The following RPRD2 variants were observed in gnomAD, a reference collection of about 807,000 sequenced individuals.
RPRD2 encodes the protein regulation of nuclear pre-mRNA domain-containing protein 2.
RPRD2 carries 12 observed loss-of-function variants against 104.4 expected under a neutral mutation model. The ratio of observed to expected loss-of-function variants is 0.11; its 90% confidence interval spans 0.07 to 0.19. RPRD2 has a LOEUF of 0.19. Ranked by LOEUF, RPRD2 falls within the 10% of genes least tolerant of loss-of-function variation. The pLI is 1.00. For synonymous variants in RPRD2, 714 were observed against 684.9 expected (o/e 1.04, Z -0.66); for missense variants, 1,543 against 1,790.1 (o/e 0.86, Z 2.49).
intron 1 of RPRD2, among the ~76,000 whole-genome samples, chr1:150,369,623 A>ATTTTTTTTTTTTTTTTTTTTT (rs61016870): frequency 1.1e-3 from 73 of 68,856 alleles, no homozygotes; most frequent in Non-Finnish European, 1.5e-3. Context: ...CGCCCAGCTA[A>ATTTTTTTTTTTTTTTTTTTTT]TTTTTTTTTT....
Position 150,472,808 on chromosome 1 carries a change from T to C in RPRD2, c.3860T>C (p.Val1287Ala). The C allele has an allele frequency of 6.2e-7, 1 of 1,610,216 alleles. No homozygotes were observed. The highest frequency in any genetic ancestry group is 8.5e-7 in the Non-Finnish European group (1 of 1,177,318). The change falls in exon 11 of 11, where the codon GTC becomes GCC. Residue 1287 changes from valine to alanine, a missense_variant. Around this residue, in one of 4 missense-constraint regions of RPRD2, gnomAD observed 880 missense variants for 885.6 expected, o/e 0.99. Transcript: ENST00000369068. ...CATAGCAGCAGTGGTGGGAGTGGTGTCCCCTTTTCTACTCCACCCCCTCCT... is the reference window on the plus strand; with the variant it reads ...CATAGCAGCAGTGGTGGGAGTGGTGCCCCCTTTTCTACTCCACCCCCTCCT... ...GEHSSSGGSG[V>A]PFSTPPPPPP...
intron 4 of RPRD2, 92 bp from the exon 5 acceptor site, chr1:150,443,139 A>G (rs982303748): frequency 2.6e-6 from 2 of 779,390 alleles, no homozygotes; most frequent in African/African-American, 1.7e-5. Flanking sequence ...CCATATGTTC[A>G]GAGTATATCT....
intron 1 of RPRD2, among the ~76,000 whole-genome samples, chr1:150,377,809 T>C (rs1456686835): frequency 1.3e-5 from 2 of 152,146 alleles, no homozygotes; most frequent in Non-Finnish European, 2.9e-5. Flanking sequence ...CTGCAAAATA[T>C]GAATTTGTAA....
chr1:150,421,577 A>G (rs1664757970), intron 2 of RPRD2, among the ~76,000 whole-genome samples: 1 of 152,200 alleles, frequency 6.6e-6, no homozygotes, highest in Admixed American at 6.5e-5. Flanking sequence ...ATCTTAAAAC[A>G]ATAATGGAAG....
At chr1:150,383,102 T>G (rs1403837781) in intron 1 of RPRD2, among the ~76,000 whole-genome samples, 1 of 151,958 alleles carries the variant, frequency 6.6e-6, no homozygotes, top group African/African-American at 2.4e-5. Context: ...AGTTGATCTT[T>G]CCCATCTCAG....
chr1:150,460,368 TTGAATCATTAATC>T, intron 9 of RPRD2, 51 bp downstream of exon 9: 1 of 1,512,636 alleles, frequency 6.6e-7, no homozygotes, highest in Non-Finnish European at 9.0e-7. Flanking sequence ...TCTTTTTAAA[TTGAATCATTAATC>T]TGTTTTTGGG....
At chr1:150,459,259 C>G (rs909126673) in intron 8 of RPRD2, among the ~76,000 whole-genome samples, 2 of 152,084 alleles carry the variant, frequency 1.3e-5, no homozygotes, top group African/African-American at 4.8e-5. Context: ...AATAATTATT[C>G]AAGGTGATTG....
At chr1:150,467,499 G>A (rs1242899256) in intron 10 of RPRD2, among the ~76,000 whole-genome samples, 3 of 151,920 alleles carry the variant, frequency 2.0e-5, no homozygotes, top group Admixed American at 6.6e-5. Flanking sequence ...TCAGCCTCTC[G>A]AGTAGCTGGT....
intron 1 of RPRD2, among the ~76,000 whole-genome samples, chr1:150,392,848 A>C (rs1553883423): frequency 6.6e-6 from 1 of 152,016 alleles, no homozygotes; most frequent in Non-Finnish European, 1.5e-5. Context: ...TCTAGAAAAA[A>C]AACAAAGAAA....
At position 150,471,349 on chromosome 1, in the gene RPRD2, A is replaced by G; in HGVS notation, c.2401A>G (p.Lys801Glu). ...PFGLGSESPY[K>E]QPSDGMERPS... Reference sequence around the variant, plus strand: ...TGGTCTGGGCAGTGAATCTCCCTATAAGCAGCCTTCTGATGGAATGGAGAG... The same window carrying G: ...TGGTCTGGGCAGTGAATCTCCCTATGAGCAGCCTTCTGATGGAATGGAGAG... Residue 801 changes from lysine (K) to glutamate (E), a missense_variant, in exon 11 of 11, where the codon AAG becomes GAG. This residue lies in a region of RPRD2 where 880 missense variants were observed against 885.6 expected (regional missense o/e 0.99). Coordinates refer to ENST00000369068, the MANE Select transcript of RPRD2 (RefSeq NM_015203.5). This position sits in a 1 kb window ranked among gnomAD's most constrained non-coding sequence, Gnocchi z 5.3. 1 of 1,613,676 alleles carries G rather than the reference A, an allele frequency of 6.2e-7. No individual in the cohort carries two copies. The highest frequency in any genetic ancestry group is 1.1e-5 in the South Asian group (1 of 91,066).
At chr1:150,462,588 C>G (rs1668011406) in intron 9 of RPRD2, among the ~76,000 whole-genome samples, 1 of 152,054 alleles carries the variant, frequency 6.6e-6, no homozygotes, top group African/African-American at 2.4e-5. Context: ...CAGTCTCACT[C>G]TGTCCCCCAG....
chr1:150,451,702 C>T (rs1320015023), intron 7 of RPRD2, among the ~76,000 whole-genome samples: 1 of 151,088 alleles, frequency 6.6e-6, no homozygotes, highest in African/African-American at 2.4e-5. Context: ...AATCGTCCAC[C>T]CCAAAAAGAT....
At chr1:150,441,243 C>T (rs1666385732) in intron 3 of RPRD2, 2 of 420,850 alleles carry the variant, frequency 4.8e-6, no homozygotes, top group Admixed American at 4.2e-5. Flanking sequence ...TTTTTAGTGA[C>T]TACAAAAGTC....
intron 1 of RPRD2, among the ~76,000 whole-genome samples, chr1:150,396,190 G>A (rs782003247): frequency 6.9e-6 from 1 of 145,040 alleles, no homozygotes; most frequent in Admixed American, 6.8e-5. Context: ...TGATGGGATC[G>A]TCTGTGTGTT....
intron 1 of RPRD2, among the ~76,000 whole-genome samples, chr1:150,402,311 G>GTTC (rs776520563): frequency 6.6e-6 from 1 of 152,154 alleles, no homozygotes; most frequent in Non-Finnish European, 1.5e-5. Flanking sequence ...CAGTTCAGCA[G>GTTC]TTCTACTCTT....
chr1:150,387,868 G>C (rs1661708360), intron 1 of RPRD2, among the ~76,000 whole-genome samples: 1 of 149,172 alleles, frequency 6.7e-6, no homozygotes, highest in Non-Finnish European at 1.5e-5. Context: ...AGGATTACAG[G>C]CGTGAGCCAC....
rs1160491386 is a variant in RPRD2, at chr1:150,431,473, A to ATTTTTTTTTTTTTTTTTTTTTT, written c.336-9447_336-9426dup. Among the ~76,000 whole-genome samples the ATTTTTTTTTTTTTTTTTTTTTT allele has an allele frequency of 3.2e-3, 254 of 78,794 alleles. 23 individuals are homozygous for ATTTTTTTTTTTTTTTTTTTTTT. The highest frequency in any genetic ancestry group is 9.3e-3 in the South Asian group (15 of 1,610). The allele number at this position is 78,794 out of a possible 152,430, so 51.7% of individuals were successfully genotyped here. On this transcript the variant is annotated intron_variant, in intron 2 of 10. Transcript: ENST00000369068. ...TATTATTCAGTCTTAAAAAGGAAGG[A>ATTTTTTTTTTTTTTTTTTTTTT]TTTTTTTTTTTTTTTTTTTTTTTTG...
At position 150,364,609 on chromosome 1, in the gene RPRD2, C is replaced by G. The variant is rs1294260567; in HGVS notation, c.-106C>G. 1 of 635,378 alleles carries G rather than the reference C, an allele frequency of 1.6e-6. No individual in the cohort carries two copies. The highest frequency in any genetic ancestry group is 2.7e-5 in the East Asian group (1 of 36,612). The allele number at this position is 635,378 out of a possible 1,614,324, so 39.4% of individuals were successfully genotyped here. ...ACCATCCCCACCCCCTAGCTTCCCT[C>G]CCCACCTACGGCTTTCACGCACTCG... On this transcript the variant is annotated 5_prime_UTR_variant, in exon 1 of 11. Transcript: ENST00000369068.
intron 1 of RPRD2, among the ~76,000 whole-genome samples, chr1:150,412,807 AT>A (rs1211667653): frequency 2.0e-5 from 3 of 152,158 alleles, no homozygotes; most frequent in Non-Finnish European, 2.9e-5. Flanking sequence ...ACGGGGATTG[AT>A]TTATGTCCCA....
Sources: allele counts gnomAD v4.1 joint callset (sites outside exome capture counted in the v4.1 genomes callset), GRCh38; gene constraint gnomAD v4.1.1; regional missense constraint gnomAD v4.1.1; non-coding constraint Gnocchi (gnomAD v3.1); transcripts MANE v1.5; gene names NCBI Gene and HGNC (gene_info 2026-07-23, HGNC 2026-07-21).